GNL3L: variants seen among roughly 807,000 people sequenced by gnomAD.
The protein encoded by GNL3L is G protein nucleolar 3 like, also known as guanine nucleotide-binding protein-like 3-like protein.
GNL3L carries 4 observed loss-of-function variants against 42.9 expected under a neutral mutation model. The observed-to-expected ratio is 0.09, with a 90% CI of 0.05 to 0.21. The LOEUF is 0.21. Among genes scored for constraint, GNL3L ranks in the 10% least tolerant of loss-of-function variants. GNL3L has a pLI of 1.00. For synonymous variants in GNL3L, 159 were observed against 176.3 expected (o/e 0.90, Z 0.78); for missense variants, 412 against 481.7 (o/e 0.86, Z 1.36).
chrX:54,573,142 G>T, intron 16 of GNL3L, among the ~76,000 whole-genome samples: 1 of 111,822 alleles, frequency 8.9e-6, no homozygotes, highest in South Asian at 3.7e-4. Flanking sequence ...CCCAGACGGG[G>T]TGGCGGCCGG....
At chrX:54,578,006 G>A (rs1335382430) in intron 16 of GNL3L, among the ~76,000 whole-genome samples, 2 of 111,746 alleles carry the variant, frequency 1.8e-5, no homozygotes, top group East Asian at 2.8e-4. Context: ...GCCTCCCAAA[G>A]TGCCAGGATT....
intron 16 of GNL3L, among the ~76,000 whole-genome samples, chrX:54,587,940 C>G (rs1258897228): frequency 1.8e-5 from 2 of 111,924 alleles, no homozygotes; most frequent in Admixed American, 9.5e-5. Flanking sequence ...CTCAGCCTCC[C>G]AAAGTGCTAG....
chrX:54,584,742 A>T (rs1368853070), intron 16 of GNL3L, among the ~76,000 whole-genome samples: 1 of 112,172 alleles, frequency 8.9e-6, no homozygotes, highest in Non-Finnish European at 1.9e-5. Flanking sequence ...TCTGTTTTTA[A>T]TTTTTTTGAG....
At chrX:54,559,323 A>C (rs894207327) in intron 15 of GNL3L, among the ~76,000 whole-genome samples, 9 of 111,404 alleles carry the variant, frequency 8.1e-5, no homozygotes, top group African/African-American at 2.6e-4. Context: ...TGCAGGCTAT[A>C]TATCAATAGG....
intron 9 of GNL3L, among the ~76,000 whole-genome samples, 192 bp downstream of exon 9, chrX:54,548,565 C>A (rs775851966): frequency 9.0e-6 from 1 of 111,195 alleles, no homozygotes; most frequent in Non-Finnish European, 1.9e-5. Context: ...GGAGCAAATA[C>A]AGGGTGCCAG....
intron 16 of GNL3L, among the ~76,000 whole-genome samples, chrX:54,573,293 C>G (rs1169006375): frequency 8.8e-6 from 1 of 113,336 alleles, no homozygotes; most frequent in African/African-American, 3.2e-5. Flanking sequence ...TCTGCAATCC[C>G]GGCACCTCGG....
At chrX:54,550,934 G>T (rs1397793098) in intron 9 of GNL3L, 29 bp from the exon 10 acceptor site, 1 of 805,344 alleles carries the variant, frequency 1.2e-6, no homozygotes, top group Non-Finnish European at 1.9e-6. Context: ...GGCCTCTTCT[G>T]CCCTGAGCCA....
intron 5 of GNL3L, among the ~76,000 whole-genome samples, chrX:54,542,226 C>T (rs1378039572): frequency 4.6e-5 from 5 of 109,666 alleles, no homozygotes; most frequent in East Asian, 2.9e-4. Context: ...AGGTATATCT[C>T]CTAATGCTAT....
rs766435244 is a variant in GNL3L at position 54,573,461 on chromosome X, A to G, written c.*45+12814A>G. Among the ~76,000 whole-genome samples the G allele has an allele frequency of 4.6e-3, 509 of 110,881 alleles. 3 individuals carry two copies. Among genetic ancestry groups the G allele is most frequent in the African/African-American group, 0.016 (480 of 29,901 alleles). ...CAGTGAGCCGAGATGGCAGCAGTAT[A>G]GTCCAGCTTCGGCTGGGCATGAGAG... is the stretch of plus-strand genomic sequence containing the variant. On this transcript the variant is annotated intron_variant, in intron 16 of 16. Coordinates refer to the GNL3L transcript ENST00000674498.
rs768737161 is a variant in GNL3L at position 54,545,211 on chromosome X, C to T, written c.630+885C>T. On this transcript the variant is annotated intron_variant, in intron 8 of 15. Transcript: ENST00000360845. ...GATTACAGGCGTGAGCCACCACTCC[C>T]GGTCTAACTTTATTTTTTATTTTTT... Among the ~76,000 whole-genome samples the T allele has an allele frequency of 9.0e-5, 10 of 110,935 alleles. No individual in the cohort carries two copies. The South Asian group carries it at 2.7e-3, about 29-fold the overall frequency.
intron 14 of GNL3L, among the ~76,000 whole-genome samples, chrX:54,556,365 C>A (rs917306325): frequency 9.0e-6 from 1 of 110,893 alleles, no homozygotes; most frequent in Non-Finnish European, 1.9e-5. Flanking sequence ...TGAGAACCCA[C>A]TATCATGATA....
intron 2 of GNL3L, among the ~76,000 whole-genome samples, chrX:54,537,783 A>AT (rs903098795): frequency 1.8e-5 from 2 of 110,342 alleles, no homozygotes; most frequent in African/African-American, 6.6e-5. Context: ...GTGTTTGTGT[A>AT]TTTTTTTAAG....
chrX:54,600,194 TC>T (rs1200863983), intron 16 of GNL3L, among the ~76,000 whole-genome samples: 6 of 101,795 alleles, frequency 5.9e-5, no homozygotes, highest in Non-Finnish European at 9.9e-5. Flanking sequence ...TAGATTTTAT[TC>T]CAATCTGCTG....
At position 54,599,289 on chromosome X, in the gene GNL3L, A is replaced by G. The variant is rs537978717; in HGVS notation, c.*46-21556A>G. 4.5e-5 allele frequency among the ~76,000 whole-genome samples: 5 copies of G among 112,128 alleles called. No individual in the cohort carries two copies. The East Asian group carries it at 1.4e-3, about 31-fold the overall frequency. On this transcript the variant is annotated intron_variant, in intron 16 of 16. Transcript: ENST00000674498. Reference sequence around the variant, plus strand: ...TATCCTCCCAAAGTGAAGAAGATATAGTTTCTCAGAGACAGAGGAATACAG... The same window carrying G: ...TATCCTCCCAAAGTGAAGAAGATATGGTTTCTCAGAGACAGAGGAATACAG...
the GNL3L span, among the ~76,000 whole-genome samples, chrX:54,628,868 T>A: frequency 9.4e-6 from 1 of 106,602 alleles, no homozygotes; most frequent in South Asian, 3.9e-4. Context: ...TTTTTTTAGT[T>A]TAATTAAGTT....
intron 16 of GNL3L, among the ~76,000 whole-genome samples, chrX:54,601,792 A>G (rs769975316): frequency 1.8e-5 from 2 of 111,537 alleles, no homozygotes; most frequent in South Asian, 7.5e-4. Flanking sequence ...TCTGACAACC[A>G]CTGGTCTGTT....
chrX:54,595,711 C>T (rs1015449203), intron 16 of GNL3L, among the ~76,000 whole-genome samples: 1 of 111,395 alleles, frequency 9.0e-6, no homozygotes, highest in African/African-American at 3.3e-5. Context: ...CGTAGGTGGG[C>T]TTCATTGTTT....
chrX:54,571,830 A>G (rs1176599121), downstream of GNL3L, among the ~76,000 whole-genome samples: 1 of 108,469 alleles, frequency 9.2e-6, no homozygotes, highest in African/African-American at 3.3e-5. Flanking sequence ...TTTGGCCATT[A>G]ATTTATCAAA....
intron 16 of GNL3L, among the ~76,000 whole-genome samples, chrX:54,610,415 C>T (rs1926148847): frequency 9.0e-6 from 1 of 111,180 alleles, no homozygotes; most frequent in East Asian, 2.8e-4. Context: ...GAGTGGGTAT[C>T]CTTGTCTTTT....
Sources: allele counts gnomAD v4.1 joint callset (sites outside exome capture counted in the v4.1 genomes callset), GRCh38; gene constraint gnomAD v4.1.1; transcripts MANE v1.5; gene names NCBI Gene and HGNC (gene_info 2026-07-23, HGNC 2026-07-21).